The following ALDH1A1 variants were observed in gnomAD, a reference collection of about 807,000 sequenced individuals.
ALDH1A1 encodes the protein aldehyde dehydrogenase 1A1.
In ALDH1A1, 19 loss-of-function variants were observed where a neutral mutation model predicts 62.1. The observed-to-expected ratio is 0.31, with a 90% CI of 0.21 to 0.45. ALDH1A1 has a LOEUF of 0.45. Among genes scored for constraint, ALDH1A1 ranks in the 20% least tolerant of loss-of-function variants. The probability of loss-of-function intolerance (pLI) is 1.00; values close to 1 mark genes in which losing one functional copy is unlikely to be tolerated. For synonymous variants in ALDH1A1, 231 were observed against 215.9 expected, an observed-to-expected ratio of 1.07 and a Z score of -0.61; for missense variants, 521 against 607.1, an observed-to-expected ratio of 0.86 and a Z score of 1.49.
intron 1 of ALDH1A1, among the ~76,000 whole-genome samples, chr9:72,942,554 G>C (rs1488270241): frequency 6.6e-6 from 1 of 152,020 alleles, no homozygotes; most frequent in Non-Finnish European, 1.5e-5. Context: ...ATCTTCCTCA[G>C]ATTCTGTCTA....
chr9:72,932,101 A>T (rs1159662049), intron 2 of ALDH1A1, among the ~76,000 whole-genome samples: 1 of 152,170 alleles, frequency 6.6e-6, no homozygotes, highest in Non-Finnish European at 1.5e-5. Context: ...TACTGCAAAC[A>T]CCATAAAGGA....
chr9:72,908,416 C>T (rs1260550277), intron 11 of ALDH1A1, among the ~76,000 whole-genome samples: 4 of 93,834 alleles, frequency 4.3e-5, no homozygotes, highest in Non-Finnish European at 7.4e-5. Context: ...GCCTGGGTGA[C>T]AGAGTGAGAC....
chr9:72,921,139 C>A (rs1306819555), intron 7 of ALDH1A1, among the ~76,000 whole-genome samples: 1 of 150,098 alleles, frequency 6.7e-6, no homozygotes, highest in Non-Finnish European at 1.5e-5. Flanking sequence ...CCCAGCTACT[C>A]GGGAGGCTGA....
At chr9:72,908,190 C>T (rs1488796907) in intron 11 of ALDH1A1, among the ~76,000 whole-genome samples, 1 of 151,756 alleles carries the variant, frequency 6.6e-6, no homozygotes, top group Admixed American at 6.6e-5. Context: ...GAGGCCAAGG[C>T]GGATGGATCA....
At chr9:72,908,995 T>A (rs1210230560) in intron 11 of ALDH1A1, among the ~76,000 whole-genome samples, 2 of 152,150 alleles carry the variant, frequency 1.3e-5, no homozygotes, top group Non-Finnish European at 2.9e-5. Flanking sequence ...GTTCTTACTC[T>A]TTTACCTCCC....
chr9:72,920,270 C>T (rs1830124151), intron 7 of ALDH1A1, among the ~76,000 whole-genome samples: 1 of 151,898 alleles, frequency 6.6e-6, no homozygotes, highest in Admixed American at 6.6e-5. Flanking sequence ...TAAATCAAAC[C>T]CCTAAAAGAT....
chr9:72,905,978 C>A lies in ALDH1A1; in HGVS notation c.1413G>T (p.Met471Ile), dbSNP rs750942320. The A allele has an allele frequency of 6.2e-7, 1 of 1,611,360 alleles. No individual in the cohort carries two copies. Among genetic ancestry groups the A allele is most frequent in the Non-Finnish European group, 8.5e-7 (1 of 1,178,332 alleles). Residue 471 changes from methionine to isoleucine, a missense_variant, in exon 12 of 13, where the codon ATG (methionine) becomes ATT (isoleucine). Physicochemically the swap from Met to Ile is conservative, Grantham distance 10. Transcript: ENST00000297785. ...SAQCPFGGFK[M>I]SGNGRELGEY... ...CTTACAGTTCTCTTCCATTTCCAGA[C>A]ATCTTGAATCCACCAAAGGGGCACT...
At chr9:72,929,484 C>A (rs886901618) in intron 3 of ALDH1A1, among the ~76,000 whole-genome samples, 1 of 152,160 alleles carries the variant, frequency 6.6e-6, no homozygotes, top group African/African-American at 2.4e-5. Context: ...ACAGTCTACT[C>A]ACACAAACTT....
intron 10 of ALDH1A1, among the ~76,000 whole-genome samples, chr9:72,911,063 T>TC (rs1164193371): frequency 6.6e-6 from 1 of 152,156 alleles, no homozygotes; most frequent in African/African-American, 2.4e-5. Context: ...GAATGACAGC[T>TC]CATTTTTTTT....
Position 72,924,132 on chromosome 9 carries a change from C to A in ALDH1A1, c.634G>T (p.Ala212Ser). 6.3e-7 allele frequency: 1 copy of A among 1,593,708 alleles called. No individual in the cohort carries two copies. Among genetic ancestry groups the A allele is most frequent in the African/African-American group, 1.4e-5 (1 of 73,668 alleles). The change falls in exon 7 of 13, where the codon GCA (alanine) becomes TCA (serine). Residue 212 changes from alanine (A) to serine (S), a missense_variant and splice_region_variant. By Grantham distance (99) the Ala-to-Ser change is moderately conservative (BLOSUM62 1). Coordinates refer to ENST00000297785, the MANE Select transcript of ALDH1A1 (RefSeq NM_000689.5). ...ALHVASLIKE[A>S]GFPPGVVNIV... ...TTCACTACTCCAGGAGGAAACCCTGCCTAAAAGATAAAAAGTTTAAAAGTT... is the reference window on the plus strand; with the variant it reads ...TTCACTACTCCAGGAGGAAACCCTGACTAAAAGATAAAAAGTTTAAAAGTT...
At chr9:72,943,037 C>A (rs558672241) in intron 1 of ALDH1A1, among the ~76,000 whole-genome samples, 1 of 152,204 alleles carries the variant, frequency 6.6e-6, no homozygotes, top group Admixed American at 6.6e-5. Context: ...CTTTCAAAAC[C>A]TGCATCAGAT....
At chr9:72,940,319 A>T in intron 1 of ALDH1A1, 67 bp from the exon 2 acceptor site, 1 of 1,118,540 alleles carries the variant, frequency 8.9e-7, no homozygotes. Flanking sequence ...AAGTTTTCAT[A>T]AACTTAAACT....
chr9:72,939,408 T>A (rs1270854904), intron 2 of ALDH1A1, among the ~76,000 whole-genome samples: 1 of 152,198 alleles, frequency 6.6e-6, no homozygotes, highest in Non-Finnish European at 1.5e-5. Flanking sequence ...AGGTGTTGAA[T>A]AATAATATTA....
chr9:72,930,283 G>T (rs1311378382), intron 3 of ALDH1A1, among the ~76,000 whole-genome samples: 2 of 152,016 alleles, frequency 1.3e-5, no homozygotes, highest in African/African-American at 2.4e-5. Flanking sequence ...ATAAAAACAT[G>T]ATTTTGATAA....
rs562156367 is a variant in ALDH1A1 at position 72,919,902 on chromosome 9, A to C, written c.748-1080T>G. Among the ~76,000 whole-genome samples the C allele has an allele frequency of 2.0e-5, 3 of 152,348 alleles. No individual in the cohort carries two copies. In the South Asian group the frequency reaches 6.2e-4, roughly 32 times the overall value. ...TTTTTTCCTTTGTGGATCACTTCCC[A>C]TCAAGATTATTTACTATAGTTGTTT... On this transcript the variant is annotated intron_variant, in intron 7 of 12. Transcript: ENST00000297785.
chr9:72,949,331 C>T (rs929561668), intron 1 of ALDH1A1, among the ~76,000 whole-genome samples: 1 of 151,790 alleles, frequency 6.6e-6, no homozygotes, highest in Admixed American at 6.6e-5. Flanking sequence ...CAGCAATGGG[C>T]AAATGAAAGT....
At chr9:72,913,005 G>T (rs1469745685) in intron 9 of ALDH1A1, among the ~76,000 whole-genome samples, 1 of 152,142 alleles carries the variant, frequency 6.6e-6, no homozygotes, top group Admixed American at 6.5e-5. Flanking sequence ...TGTAGCAGGG[G>T]TTAAGGATTA....
chr9:72,949,396 GA>G (rs1263467057), intron 1 of ALDH1A1, among the ~76,000 whole-genome samples: 1 of 151,782 alleles, frequency 6.6e-6, no homozygotes, highest in Non-Finnish European at 1.5e-5. Flanking sequence ...CAGAGTAGTG[GA>G]ATTGACCTTA....
At chr9:72,918,340 GT>G (rs1588134961) in intron 8 of ALDH1A1, among the ~76,000 whole-genome samples, 1 of 152,246 alleles carries the variant, frequency 6.6e-6, no homozygotes, top group East Asian at 1.9e-4. Context: ...TGAAACTGCT[GT>G]CTCCTCAGTT....
Sources: allele counts gnomAD v4.1 joint callset (sites outside exome capture counted in the v4.1 genomes callset), GRCh38; gene constraint gnomAD v4.1.1; transcripts MANE v1.5; gene names NCBI Gene and HGNC (gene_info 2026-07-23, HGNC 2026-07-21).